Variants in DNAH11 observed in about 807,000 individuals in gnomAD.
The protein encoded by DNAH11 is dynein axonemal heavy chain 11.
DNAH11 carries 442 observed loss-of-function variants against 526.0 expected under a neutral mutation model. The observed-to-expected ratio is 0.84, with a 90% CI of 0.78 to 0.91. The LOEUF (loss-of-function observed/expected upper bound fraction) is 0.91, where lower values mean the gene tolerates loss of function less well. Ranked by LOEUF, DNAH11 falls within the 40% of genes least tolerant of loss-of-function variation. DNAH11 has a pLI of 0.00. For synonymous variants in DNAH11, 2,461 were observed against 1,935.9 expected, an observed-to-expected ratio of 1.27 and a Z score of -7.12; for missense variants, 6,989 against 5,448.7, an observed-to-expected ratio of 1.28 and a Z score of -8.90.
At chr7:21,744,768 A>ATG in intron 50 of DNAH11, 102 bp from the exon 51 acceptor site, 1 of 1,437,336 alleles carries the variant, frequency 7.0e-7, no homozygotes, top group South Asian at 1.3e-5. Context: ...CCACCTACCC[A>ATG]TGTGTGGGTC....
chr7:21,763,627 A>G (rs1787029944), intron 54 of DNAH11, among the ~76,000 whole-genome samples: 1 of 151,700 alleles, frequency 6.6e-6, no homozygotes, highest in Non-Finnish European at 1.5e-5. Flanking sequence ...CAGAATTGCC[A>G]TAAGATCCAG....
intron 66 of DNAH11, among the ~76,000 whole-genome samples, chr7:21,843,529 G>T (rs1213845461): frequency 6.8e-6 from 1 of 146,648 alleles, no homozygotes; most frequent in Non-Finnish European, 1.5e-5. Flanking sequence ...CACCAAGGCT[G>T]GAGTGCAGTG....
chr7:21,801,363 A>G (rs567449168), intron 62 of DNAH11, 88 bp downstream of exon 62: 2 of 1,515,608 alleles, frequency 1.3e-6, no homozygotes, highest in African/African-American at 2.8e-5. Flanking sequence ...ATAACTAAAT[A>G]GACATGGAAT....
Position 21,880,798 on chromosome 7 carries a change from G to C in DNAH11, c.12292G>C (p.Gly4098Arg). 1 of 1,613,972 alleles carries C rather than the reference G, an allele frequency of 6.2e-7. No individual in the cohort carries two copies. The highest frequency in any genetic ancestry group is 8.5e-7 in the Non-Finnish European group (1 of 1,179,890). Residue 4098 changes from glycine (G) to arginine (R), a missense_variant, in exon 75 of 82, where the codon GGC becomes CGC. Coordinates refer to ENST00000409508, the MANE Select transcript of DNAH11 (RefSeq NM_001277115.2). Reference sequence around the variant, plus strand: ...CTGTGTTGCTGGGAGACTGAGGTTTGGCCCCCAGGGCTGGAGCCGAAGCTA... The same window carrying C: ...CTGTGTTGCTGGGAGACTGAGGTTTCGCCCCCAGGGCTGGAGCCGAAGCTA... ...HACVAGRLRF[G>R]PQGWSRSYPF...
intron 66 of DNAH11, among the ~76,000 whole-genome samples, chr7:21,844,405 A>G (rs534570487): frequency 4.1e-4 from 63 of 152,338 alleles, no homozygotes; most frequent in Admixed American, 8.5e-4. Flanking sequence ...AGCCTGGAGG[A>G]CAGAGCAAGA....
At position 21,880,734 on chromosome 7, in the gene DNAH11, G is replaced by A; in HGVS notation, c.12228G>A (p.Glu4076=). 1 of 1,613,974 alleles carries A rather than the reference G, an allele frequency of 6.2e-7. No individual in the cohort carries two copies. Among genetic ancestry groups the A allele is most frequent in the Non-Finnish European group, 8.5e-7 (1 of 1,179,900 alleles). ...DTLEICSKEQ[E]FKSILFSLCY... is the part of the protein sequence containing the mutation. The stretch of plus-strand genomic sequence containing the variant: ...TTGAAATATGCTCCAAGGAGCAGGA[G>A]TTTAAAAGCATCCTTTTTTCTCTCT... Residue 4076 remains glutamate (E), a synonymous_variant, in exon 75 of 82, where the codon GAG becomes GAA. Coordinates refer to ENST00000409508, the MANE Select transcript of DNAH11 (RefSeq NM_001277115.2).
At chr7:21,709,524 CACACAGTAT>C (rs1784385575) in intron 40 of DNAH11, among the ~76,000 whole-genome samples, 1 of 152,172 alleles carries the variant, frequency 6.6e-6, no homozygotes, top group Non-Finnish European at 1.5e-5. Flanking sequence ...ACCTCAATGT[CACACAGTAT>C]ACCCATGCAA....
chr7:21,559,592 A>G lies in DNAH11; in HGVS notation c.693-11A>G. ...CATCTTTGAATTATTTTATTATCTTAATGTTTGTAGGCCACCGTCAAACGA... is the reference window on the plus strand; with the variant it reads ...CATCTTTGAATTATTTTATTATCTTGATGTTTGTAGGCCACCGTCAAACGA... On this transcript the variant is annotated splice_polypyrimidine_tract_variant and intron_variant, in intron 3 of 81. Transcript: ENST00000409508. The G allele has an allele frequency of 2.5e-6, 4 of 1,579,358 alleles. No individual in the cohort carries two copies. The highest frequency in any genetic ancestry group is 3.4e-6 in the Non-Finnish European group (4 of 1,160,422).
intron 28 of DNAH11, among the ~76,000 whole-genome samples, chr7:21,653,822 A>T (rs777164978): frequency 2.0e-5 from 3 of 152,248 alleles, no homozygotes; most frequent in African/African-American, 7.2e-5. Flanking sequence ...CTAAAACTGC[A>T]TGTACAGCAA....
At chr7:21,890,878 A>G (rs914615113) in intron 76 of DNAH11, among the ~76,000 whole-genome samples, 2 of 152,182 alleles carry the variant, frequency 1.3e-5, no homozygotes, top group Non-Finnish European at 1.5e-5. Flanking sequence ...ATTTCTGGCA[A>G]TATGAAGGAT....
intron 39 of DNAH11, among the ~76,000 whole-genome samples, chr7:21,706,782 G>T (rs559539566): frequency 2.6e-5 from 4 of 152,162 alleles, no homozygotes; most frequent in Non-Finnish European, 5.9e-5. Context: ...TTTGCCAATT[G>T]TTTATCAGTT....
At chr7:21,630,005 C>T (rs1786527934) in intron 25 of DNAH11, among the ~76,000 whole-genome samples, 1 of 151,786 alleles carries the variant, frequency 6.6e-6, no homozygotes. Context: ...TTTTTACTGC[C>T]TTCCTTTATT....
chr7:21,736,114 A>G (rs963386965), intron 46 of DNAH11, among the ~76,000 whole-genome samples: 6 of 152,190 alleles, frequency 3.9e-5, no homozygotes, highest in South Asian at 4.1e-4. Context: ...TTACCTCGAA[A>G]CCACTGGTTG....
intron 14 of DNAH11, among the ~76,000 whole-genome samples, chr7:21,592,636 A>T (rs1784730373): frequency 6.6e-6 from 1 of 152,214 alleles, no homozygotes; most frequent in South Asian, 2.1e-4. Context: ...GTTGGCAGGG[A>T]GACTCTTCAG....
At chr7:21,623,457 A>G (rs1786175991) in intron 25 of DNAH11, among the ~76,000 whole-genome samples, 1 of 152,338 alleles carries the variant, frequency 6.6e-6, no homozygotes, top group South Asian at 2.1e-4. Flanking sequence ...CAGGCATCCC[A>G]TTACTGGGTA....
chr7:21,795,630 A>G (rs908081537), intron 61 of DNAH11, among the ~76,000 whole-genome samples: 2 of 152,244 alleles, frequency 1.3e-5, no homozygotes, highest in African/African-American at 4.8e-5. Flanking sequence ...TATTTGTTCT[A>G]GTTGAAGGAC....
At chr7:21,610,178 T>C (rs1976886) in intron 20 of DNAH11, among the ~76,000 whole-genome samples, 41,340 of 151,962 alleles carry the variant, frequency 0.27, 5,902 homozygotes, top group East Asian at 0.55. Flanking sequence ...GGCGTGAACC[T>C]GGGAGGTGTA....
At position 21,816,684 on chromosome 7, in the gene DNAH11, C is replaced by G. The variant is rs1355460550; in HGVS notation, c.10550C>G (p.Thr3517Arg). ...AAGTATGGAATGGACCTGAAAGTCA[C>G]ACATTTGGGCCAGAAAGGGTATGTG... ...KNKYGMDLKV[T>R]HLGQKGFLNA... The change falls in exon 64 of 82, where the codon ACA (threonine) becomes AGA (arginine). Residue 3517 changes from threonine to arginine, a missense_variant. Coordinates refer to ENST00000409508, the MANE Select transcript of DNAH11 (RefSeq NM_001277115.2). 2 of 1,613,464 alleles carry G rather than the reference C, an allele frequency of 1.2e-6. No homozygotes were observed. Among genetic ancestry groups the G allele is most frequent in the South Asian group, 2.2e-5 (2 of 90,960 alleles).
intron 29 of DNAH11, among the ~76,000 whole-genome samples, chr7:21,657,096 C>T (rs545974221): frequency 6.6e-6 from 1 of 152,262 alleles, no homozygotes; most frequent in African/African-American, 2.4e-5. Flanking sequence ...GTATAAGCAA[C>T]TTATGCTAGA....
Sources: allele counts gnomAD v4.1 joint callset (sites outside exome capture counted in the v4.1 genomes callset), GRCh38; gene constraint gnomAD v4.1.1; transcripts MANE v1.5; gene names NCBI Gene and HGNC (gene_info 2026-07-23, HGNC 2026-07-21).